The following DLG2 variants were observed in gnomAD, a reference collection of about 807,000 sequenced individuals.
DLG2 encodes discs large MAGUK scaffold protein 2, also known as disks large homolog 2.
In DLG2, 45 loss-of-function variants were observed where a neutral mutation model predicts 132.5. That is an observed-to-expected ratio of 0.34 (90% CI 0.27 to 0.44). The LOEUF (loss-of-function observed/expected upper bound fraction) is 0.44, where lower values mean the gene tolerates loss of function less well. DLG2 is among the 20% of genes least tolerant of loss of function. The probability of loss-of-function intolerance (pLI) is 1.00; values close to 1 mark genes in which losing one functional copy is unlikely to be tolerated. For synonymous variants in DLG2, 424 were observed against 419.6 expected (o/e 1.01, Z -0.13); for missense variants, 1,045 against 1,196.9 (o/e 0.87, Z 1.87).
intron 6 of DLG2, among the ~76,000 whole-genome samples, chr11:84,841,424 T>C (rs1276420921): frequency 1.3e-5 from 2 of 152,020 alleles, no homozygotes; most frequent in African/African-American, 2.4e-5. Context: ...TTGGATAATT[T>C]AAAAATTCTT....
At chr11:85,071,789 G>T (rs1453137640) in intron 6 of DLG2, among the ~76,000 whole-genome samples, 1 of 151,780 alleles carries the variant, frequency 6.6e-6, no homozygotes, top group Non-Finnish European at 1.5e-5. Flanking sequence ...CATATGATTA[G>T]AATAAACTGG....
Position 83,906,304 on chromosome 11 carries a change from CA to C in DLG2, c.1496+24023del, listed in dbSNP as rs1596254834. 1.3e-4 allele frequency among the ~76,000 whole-genome samples: 18 copies of C among 143,968 alleles called. 1 individual carries two copies. The highest frequency in any genetic ancestry group is 3.5e-3 in the Middle Eastern group (1 of 288). The allele number at this position is 143,968 out of a possible 152,430, so 94.4% of individuals were successfully genotyped here. ...ACACACACACACACACACACACACACACACACACACACACACCTCGGCCTCC... is the reference window on the plus strand; with the variant it reads ...ACACACACACACACACACACACACACCACACACACACACACCTCGGCCTCC... On this transcript the variant is annotated intron_variant, in intron 15 of 27. Transcript: ENST00000376104.
chr11:85,524,391 A>G (rs2074577065), intron 3 of DLG2, among the ~76,000 whole-genome samples: 1 of 152,156 alleles, frequency 6.6e-6, no homozygotes, highest in Admixed American at 6.5e-5. Flanking sequence ...GTACCCACAA[A>G]AATTAAAAAT....
At chr11:84,472,148 C>T (rs1383138494) in intron 7 of DLG2, among the ~76,000 whole-genome samples, 1 of 151,716 alleles carries the variant, frequency 6.6e-6, no homozygotes, top group African/African-American at 2.4e-5. Context: ...ATGATTAGTT[C>T]GTATTGCTAT....
intron 10 of DLG2, among the ~76,000 whole-genome samples, chr11:84,093,677 C>T (rs1336621886): frequency 6.6e-6 from 1 of 151,994 alleles, no homozygotes; most frequent in East Asian, 1.9e-4. Flanking sequence ...TGCAGTGGTA[C>T]GATCTCAGCT....
intron 18 of DLG2, among the ~76,000 whole-genome samples, chr11:83,636,614 C>T (rs979996148): frequency 1.3e-5 from 2 of 152,100 alleles, no homozygotes; most frequent in Non-Finnish European, 2.9e-5. Context: ...TCATGTCATA[C>T]ATTGGAAACA....
At chr11:85,156,069 A>G (rs1204907415) in intron 4 of DLG2, among the ~76,000 whole-genome samples, 2 of 152,118 alleles carry the variant, frequency 1.3e-5, no homozygotes, top group African/African-American at 4.8e-5. Context: ...TTTTCAGGCA[A>G]TAGCTATAGA....
At chr11:83,898,920 C>T (rs1380905345) in intron 15 of DLG2, among the ~76,000 whole-genome samples, 2 of 152,112 alleles carry the variant, frequency 1.3e-5, no homozygotes, top group African/African-American at 4.8e-5. Context: ...ATATTGTCCA[C>T]ATTTTATTTT....
intron 3 of DLG2, among the ~76,000 whole-genome samples, chr11:85,533,085 A>G (rs1191686308): frequency 6.6e-6 from 1 of 152,122 alleles, no homozygotes; most frequent in Non-Finnish European, 1.5e-5. Context: ...GTGCAATGGC[A>G]TGATCTCAGC....
At chr11:84,086,495 T>C (rs1178781608) in intron 10 of DLG2, among the ~76,000 whole-genome samples, 3 of 148,424 alleles carry the variant, frequency 2.0e-5, no homozygotes, top group Non-Finnish European at 3.0e-5. Context: ...TTCTTTCTTT[T>C]TTTTTTTTTT....
rs1242120522 is a variant in DLG2, at chr11:85,230,680, G to T, written c.186+54540C>A. Among the ~76,000 whole-genome samples, 32 of 151,792 alleles carry T rather than the reference G, an allele frequency of 2.1e-4. 1 individual carries two copies. The highest frequency in any genetic ancestry group is 4.6e-4 in the Non-Finnish European group (31 of 67,900). On this transcript the variant is annotated intron_variant, in intron 4 of 27. Transcript: ENST00000376104. ...TTGTCAGCAATTCAAGCATGGTTAT[G>T]ATTGATGTTCATTAAGCTTCTTGGA...
intron 6 of DLG2, among the ~76,000 whole-genome samples, chr11:84,571,677 G>A (rs764487166): frequency 2.6e-5 from 4 of 152,070 alleles, no homozygotes; most frequent in Non-Finnish European, 5.9e-5. Flanking sequence ...GTGACATGTA[G>A]ATGTAAAAAG....
At chr11:84,346,028 T>C (rs118022978) in intron 7 of DLG2, among the ~76,000 whole-genome samples, 1 of 152,338 alleles carries the variant, frequency 6.6e-6, no homozygotes, top group Non-Finnish European at 1.5e-5. Flanking sequence ...CTTCTATTTA[T>C]CAAAGCAGTC....
chr11:83,514,922 G>A (rs1263440416), intron 21 of DLG2, among the ~76,000 whole-genome samples: 3 of 152,102 alleles, frequency 2.0e-5, no homozygotes, highest in Non-Finnish European at 2.9e-5. Flanking sequence ...TGCTGGATTC[G>A]GTTTGCTAGT....
At chr11:83,631,945 T>C (rs1306666334) in intron 19 of DLG2, 3 of 152,206 alleles carry the variant, frequency 2.0e-5, no homozygotes, top group South Asian at 2.1e-4. Flanking sequence ...CTTTCCATCA[T>C]ATTTGTAATG....
chr11:84,779,010 C>T (rs778020455), intron 6 of DLG2, among the ~76,000 whole-genome samples: 1 of 152,146 alleles, frequency 6.6e-6, no homozygotes, highest in African/African-American at 2.4e-5. Context: ...GGCTCTCAGG[C>T]CTTCAGCCAC....
At chr11:84,350,271 C>T (rs141312294) in intron 7 of DLG2, among the ~76,000 whole-genome samples, 1,981 of 151,710 alleles carry the variant, frequency 0.013, 16 homozygotes, top group Middle Eastern at 0.028. Context: ...ACAGGAATGT[C>T]CCAGGGGCTT....
At chr11:83,671,410 C>T (rs1386961317) in intron 18 of DLG2, among the ~76,000 whole-genome samples, 1 of 152,190 alleles carries the variant, frequency 6.6e-6, no homozygotes, top group Non-Finnish European at 1.5e-5. Flanking sequence ...TTTCATCCTT[C>T]TACCCAATAC....
intron 6 of DLG2, chr11:84,997,131 A>C (rs1205835199): frequency 6.5e-6 from 1 of 153,160 alleles, no homozygotes. Context: ...TTGTAATCTT[A>C]GGTAAAGTAT....
Sources: gnomAD v4.1 joint callset for allele counts (sites outside exome capture counted in the v4.1 genomes callset) on GRCh38, gnomAD v4.1.1 for gene constraint, MANE v1.5 for transcripts, NCBI Gene and HGNC (gene_info 2026-07-23, HGNC 2026-07-21) for gene names.